NR3C1: variants seen among roughly 807,000 people sequenced by gnomAD.
NR3C1 encodes the protein glucocorticoid receptor.
In NR3C1, 14 loss-of-function variants were observed where a neutral mutation model predicts 74.0. That is an observed-to-expected ratio of 0.19 (90% CI 0.12 to 0.30). The LOEUF is 0.30. Among genes scored for constraint, NR3C1 ranks in the 10% least tolerant of loss-of-function variants. NR3C1 has a pLI of 1.00. For missense variants in NR3C1, 695 were observed against 909.8 expected (o/e 0.76, Z 3.04); for synonymous variants, 308 against 332.5 (o/e 0.93, Z 0.80).
intron 2 of NR3C1, among the ~76,000 whole-genome samples, chr5:143,370,074 T>A (rs1475316672): frequency 6.6e-6 from 1 of 152,172 alleles, no homozygotes. Context: ...CTCTTTCCAG[T>A]CCTTTAGTTT....
chr5:143,365,654 T>C (rs980389858), intron 2 of NR3C1, among the ~76,000 whole-genome samples: 3 of 152,184 alleles, frequency 2.0e-5, no homozygotes, highest in Non-Finnish European at 4.4e-5. Context: ...AACAGAACTA[T>C]GTACCAACAC....
At chr5:143,333,355 G>C in intron 2 of NR3C1, 1 of 642,922 alleles carries the variant, frequency 1.6e-6, no homozygotes, top group Middle Eastern at 4.2e-4. Context: ...CTTGAGATTG[G>C]GAGGAAAGAG....
At chr5:143,389,942 G>T (rs948649814) in intron 2 of NR3C1, 1 of 978,852 alleles carries the variant, frequency 1.0e-6, no homozygotes, top group South Asian at 4.7e-5. Context: ...ATCATCTTTT[G>T]GGGAGAAAGA....
chr5:143,303,948 A>G (rs1819048201), intron 4 of NR3C1, among the ~76,000 whole-genome samples: 1 of 152,156 alleles, frequency 6.6e-6, no homozygotes, highest in Non-Finnish European at 1.5e-5. Flanking sequence ...CTGTATGACA[A>G]ACCAACAGCC....
At chr5:143,347,119 T>C (rs981374465) in intron 2 of NR3C1, among the ~76,000 whole-genome samples, 10 of 152,338 alleles carry the variant, frequency 6.6e-5, no homozygotes, top group African/African-American at 2.4e-4. Context: ...ATATTTGACA[T>C]AGAAAATGTC....
At chr5:143,379,742 G>T (rs1269758263) in intron 2 of NR3C1, among the ~76,000 whole-genome samples, 2 of 152,136 alleles carry the variant, frequency 1.3e-5, no homozygotes, top group African/African-American at 4.8e-5. Context: ...GCTACTGTGT[G>T]AAAAAGTTAA....
At chr5:143,388,011 G>C (rs1320231888) in intron 2 of NR3C1, among the ~76,000 whole-genome samples, 2 of 152,126 alleles carry the variant, frequency 1.3e-5, no homozygotes, top group East Asian at 3.8e-4. Context: ...TAAAGCTTCT[G>C]CTACAAAAGT....
intron 4 of NR3C1, among the ~76,000 whole-genome samples, chr5:143,301,867 C>A (rs573748896): frequency 6.6e-6 from 1 of 151,960 alleles, no homozygotes; most frequent in East Asian, 1.9e-4. Context: ...GTGGTGGGAA[C>A]GATATCTCAA....
intron 7 of NR3C1, among the ~76,000 whole-genome samples, chr5:143,292,666 AGACT>A (rs1816201149): frequency 1.3e-5 from 2 of 152,208 alleles, no homozygotes; most frequent in South Asian, 4.1e-4. Context: ...ACCCCCACTA[AGACT>A]GGGTCCCTGG....
intron 4 of NR3C1, among the ~76,000 whole-genome samples, chr5:143,307,800 T>C (rs1218214943): frequency 6.6e-6 from 1 of 152,210 alleles, no homozygotes; most frequent in African/African-American, 2.4e-5. Context: ...AGCAGCAAGA[T>C]GAAACTGGGT....
At chr5:143,347,773 T>C (rs1035382856) in intron 2 of NR3C1, among the ~76,000 whole-genome samples, 1 of 152,244 alleles carries the variant, frequency 6.6e-6, no homozygotes, top group Non-Finnish European at 1.5e-5. Flanking sequence ...TACCAAAATA[T>C]ATGCTGCTAA....
intron 1 of NR3C1, among the ~76,000 whole-genome samples, chr5:143,432,881 C>T (rs953559083): frequency 1.3e-5 from 2 of 152,128 alleles, no homozygotes; most frequent in Non-Finnish European, 2.9e-5. Flanking sequence ...AGTAACCCAC[C>T]GACTATTGCG....
At chr5:143,320,723 C>T (rs1823180846) in intron 2 of NR3C1, among the ~76,000 whole-genome samples, 1 of 152,200 alleles carries the variant, frequency 6.6e-6, no homozygotes, top group African/African-American at 2.4e-5. Context: ...ATCTGTCTCA[C>T]AGAAATAATG....
At chr5:143,308,248 G>A (rs1454256329) in intron 4 of NR3C1, among the ~76,000 whole-genome samples, 3 of 152,052 alleles carry the variant, frequency 2.0e-5, no homozygotes, top group African/African-American at 4.8e-5. Flanking sequence ...ATCACTTAAG[G>A]CCAGGAGTTA....
chr5:143,365,965 CA>C (rs1157099213), intron 2 of NR3C1, among the ~76,000 whole-genome samples: 2 of 152,170 alleles, frequency 1.3e-5, no homozygotes, highest in Non-Finnish European at 2.9e-5. Context: ...CAAATGAAAA[CA>C]AAAATACAAC....
chr5:143,361,037 A>G (rs2151820732), intron 2 of NR3C1, among the ~76,000 whole-genome samples: 1 of 152,364 alleles, frequency 6.6e-6, no homozygotes. Context: ...ACTGCAGGAC[A>G]ATTCTGAATT....
rs186209371 is a variant in NR3C1 at position 143,324,347 on chromosome 5, C to A, written c.1185-10179G>T. On this transcript the variant is annotated intron_variant, in intron 2 of 8. Coordinates refer to ENST00000394464, the MANE Select transcript of NR3C1 (RefSeq NM_000176.3). ...CTTCTGTGTACCCACAGGCTCAGCACCATGTGGAAGCTGCCAAGGCTTGGG... is the reference window on the plus strand; with the variant it reads ...CTTCTGTGTACCCACAGGCTCAGCAACATGTGGAAGCTGCCAAGGCTTGGG... 9.8e-4 allele frequency among the ~76,000 whole-genome samples: 150 copies of A among 152,372 alleles called. 1 individual carries two copies. Among genetic ancestry groups the A allele is most frequent in the Non-Finnish European group, 1.9e-3 (128 of 68,034 alleles).
At position 143,279,421 on chromosome 5, in the gene NR3C1, A is replaced by C; in HGVS notation, c.*2468T>G. ...TTAACCACATAACATTCTATAAAGG[A>C]ATGATAATCTACGTTTTAGAAGCTC... On this transcript the variant is annotated 3_prime_UTR_variant, in exon 9 of 9. Coordinates refer to ENST00000394464, the MANE Select transcript of NR3C1 (RefSeq NM_000176.3). The C allele has an allele frequency of 6.6e-7, 1 of 1,520,732 alleles. No homozygotes were observed. Among genetic ancestry groups the C allele is most frequent in the South Asian group, 1.3e-5 (1 of 75,894 alleles). 94.2% of individuals were successfully genotyped at this position (1,520,732 alleles called of 1,614,324 possible).
chr5:143,293,812 GA>G (rs1163991279), intron 7 of NR3C1: 11 of 857,956 alleles, frequency 1.3e-5, no homozygotes, highest in East Asian at 1.2e-4. Flanking sequence ...TATTTACAAT[GA>G]AAAAAATCAT....
Sources: allele counts gnomAD v4.1 joint callset (sites outside exome capture counted in the v4.1 genomes callset), GRCh38; gene constraint gnomAD v4.1.1; transcripts MANE v1.5; gene names NCBI Gene and HGNC (gene_info 2026-07-23, HGNC 2026-07-21).